GABRG3: variants seen among roughly 807,000 people sequenced by gnomAD.
The protein encoded by GABRG3 is gamma-aminobutyric acid type A receptor subunit gamma3.
GABRG3 carries 25 observed loss-of-function variants against 48.8 expected under a neutral mutation model. The observed-to-expected ratio is 0.51, with a 90% CI of 0.37 to 0.72. The LOEUF is 0.72. Among genes scored for constraint, GABRG3 ranks in the 30% least tolerant of loss-of-function variants. GABRG3 has a pLI of 0.00. For missense variants in GABRG3, 394 were observed against 577.9 expected, an observed-to-expected ratio of 0.68 and a Z score of 3.26; for synonymous variants, 227 against 217.6, an observed-to-expected ratio of 1.04 and a Z score of -0.38.
intron 3 of GABRG3, among the ~76,000 whole-genome samples, chr15:27,264,496 T>C (rs1890859328): frequency 6.6e-6 from 1 of 152,034 alleles, no homozygotes; most frequent in South Asian, 2.1e-4. Context: ...GTCTACTTTC[T>C]TTTCTCTTAA....
At chr15:27,281,807 A>C (rs1340470261) in intron 3 of GABRG3, among the ~76,000 whole-genome samples, 1 of 152,024 alleles carries the variant, frequency 6.6e-6, no homozygotes, top group Non-Finnish European at 1.5e-5. Flanking sequence ...AGGAAATAAT[A>C]ATCTATTATA....
chr15:27,279,215 G>A (rs1167098564), intron 3 of GABRG3, among the ~76,000 whole-genome samples: 3 of 152,168 alleles, frequency 2.0e-5, no homozygotes, highest in Admixed American at 2.0e-4. Context: ...TTTGTAGACT[G>A]TCTTTTCTTC....
intron 3 of GABRG3, among the ~76,000 whole-genome samples, chr15:27,201,349 GGTGCGT>G (rs1483046415): frequency 6.9e-6 from 1 of 145,316 alleles, no homozygotes; most frequent in African/African-American, 2.7e-5. Context: ...GGGAGTGAGG[GGTGCGT>G]GTGTGTGTGT....
chr15:27,134,364 A>G lies in GABRG3; in HGVS notation c.270+107543A>G, dbSNP rs1595543651. On this transcript the variant is annotated intron_variant, in intron 3 of 9. Coordinates refer to ENST00000615808, the MANE Select transcript of GABRG3 (RefSeq NM_033223.5). ...GCCACTCCTTGTCCTCACCATATTA[A>G]AAGAACCTCCCCCATCTCCAATTTT... Among the ~76,000 whole-genome samples, 8 of 152,210 alleles carry G rather than the reference A, an allele frequency of 5.3e-5. No homozygotes were observed. In the South Asian group the frequency reaches 1.7e-3, roughly 32 times the overall value.
chr15:27,022,127 T>C (rs1045548335), intron 2 of GABRG3, among the ~76,000 whole-genome samples: 2 of 152,170 alleles, frequency 1.3e-5, no homozygotes, highest in Non-Finnish European at 2.9e-5. Context: ...TCTCTGTCTT[T>C]TTTTCTACCC....
intron 3 of GABRG3, among the ~76,000 whole-genome samples, chr15:27,255,103 C>T (rs1158994920): frequency 6.6e-6 from 1 of 152,218 alleles, no homozygotes; most frequent in Non-Finnish European, 1.5e-5. Flanking sequence ...TTCCTGCTCC[C>T]AGGGCTGCCT....
intron 3 of GABRG3, among the ~76,000 whole-genome samples, chr15:27,119,056 C>G (rs1897688980): frequency 6.6e-6 from 1 of 152,198 alleles, no homozygotes; most frequent in African/African-American, 2.4e-5. Context: ...TCATAAGAAC[C>G]TCATCCCAGC....
At chr15:27,223,735 C>A (rs1889523851) in intron 3 of GABRG3, among the ~76,000 whole-genome samples, 1 of 152,120 alleles carries the variant, frequency 6.6e-6, no homozygotes, top group African/African-American at 2.4e-5. Context: ...ACACTTCACA[C>A]TCACTGTGCT....
intron 3 of GABRG3, among the ~76,000 whole-genome samples, chr15:27,057,640 C>A (rs770711949): frequency 6.6e-6 from 1 of 152,072 alleles, no homozygotes; most frequent in African/African-American, 2.4e-5. Flanking sequence ...GCCAGGTCAC[C>A]CTCGGGGCTC....
intron 3 of GABRG3, among the ~76,000 whole-genome samples, chr15:27,132,747 T>C (rs1436914292): frequency 1.3e-5 from 2 of 151,640 alleles, no homozygotes; most frequent in African/African-American, 2.4e-5. Flanking sequence ...TTGATTTTTT[T>C]CAAAGAATCA....
rs1420672980 is a variant in GABRG3 at position 27,102,806 on chromosome 15, A to G, written c.270+75985A>G. ...ATGTGTGGTTGTTAATATCTTATTT[A>G]CCGACATAAGTATATAATTTGTATG... is the stretch of plus-strand genomic sequence containing the variant. On this transcript the variant is annotated intron_variant, in intron 3 of 9. Transcript: ENST00000615808. 3.9e-5 allele frequency among the ~76,000 whole-genome samples: 6 copies of G among 152,332 alleles called. No individual in the cohort carries two copies. The East Asian group carries it at 1.2e-3, about 29-fold the overall frequency.
intron 3 of GABRG3, among the ~76,000 whole-genome samples, chr15:27,131,668 A>G (rs1330753725): frequency 6.6e-6 from 1 of 152,056 alleles, no homozygotes; most frequent in Admixed American, 6.6e-5. Context: ...TAATTGTTAT[A>G]CATACTTACA....
rs759971914 is a variant in GABRG3 at position 27,532,639 on chromosome 15, A to G, written c.1162A>G (p.Met388Val). Residue 388 changes from methionine to valine, a missense_variant, in exon 10 of 10, where the codon ATG (methionine) becomes GTG (valine). By Grantham distance (21) the Met-to-Val change is conservative. This residue lies in a region of GABRG3 where 126 missense variants were observed against 155.5 expected (regional missense o/e 0.81). Coordinates refer to ENST00000615808, the MANE Select transcript of GABRG3 (RefSeq NM_033223.5). ...GGACATGAGGCCACCACCAACTGCG[A>G]TGATCACTTTAAACAATTCCGTTTA... The part of the protein sequence containing the change: ...LLDMRPPPTA[M>V]ITLNNSVYWQ... 82 of 1,613,884 alleles carry G rather than the reference A, an allele frequency of 5.1e-5. No homozygotes were observed. Among genetic ancestry groups the G allele is most frequent in the Non-Finnish European group, 6.7e-5 (79 of 1,179,902 alleles).
intron 5 of GABRG3, among the ~76,000 whole-genome samples, chr15:27,392,657 G>A (rs1280516309): frequency 6.6e-6 from 1 of 152,126 alleles, no homozygotes; most frequent in East Asian, 1.9e-4. Flanking sequence ...AAGGACTAGG[G>A]CATTATTCTA....
intron 3 of GABRG3, among the ~76,000 whole-genome samples, chr15:27,029,475 ACT>A (rs1896043263): frequency 6.6e-6 from 1 of 151,684 alleles, no homozygotes; most frequent in African/African-American, 2.4e-5. Context: ...ACATGCACAC[ACT>A]CGTGCACACA....
At chr15:27,099,954 C>T (rs954786232) in intron 3 of GABRG3, among the ~76,000 whole-genome samples, 7 of 152,096 alleles carry the variant, frequency 4.6e-5, no homozygotes, top group African/African-American at 7.2e-5. Flanking sequence ...CGGTGGCTCA[C>T]GTCTGTAATC....
chr15:27,518,059 TG>T (rs1344241501), intron 6 of GABRG3, among the ~76,000 whole-genome samples: 1 of 151,926 alleles, frequency 6.6e-6, no homozygotes, highest in Non-Finnish European at 1.5e-5. Context: ...TAAGTAAAAA[TG>T]GGACTTTGGG....
chr15:27,306,178 C>A lies in GABRG3; in HGVS notation c.271-20631C>A, dbSNP rs1004776200. The stretch of plus-strand genomic sequence containing the variant: ...ATAAACCTATATGTTTATATATAAA[C>A]ATATAATATAAACATATTTATAATA... On this transcript the variant is annotated intron_variant, in intron 3 of 9. Coordinates refer to ENST00000615808, the MANE Select transcript of GABRG3 (RefSeq NM_033223.5). Among the ~76,000 whole-genome samples, 37 of 128,892 alleles carry A rather than the reference C, an allele frequency of 2.9e-4. 2 individuals are homozygous for A. The highest frequency in any genetic ancestry group is 1.0e-3 in the African/African-American group (35 of 34,652). The allele number at this position is 128,892 out of a possible 152,430, so 84.6% of individuals were successfully genotyped here.
At chr15:27,246,933 A>C (rs1890288915) in intron 3 of GABRG3, among the ~76,000 whole-genome samples, 1 of 152,194 alleles carries the variant, frequency 6.6e-6, no homozygotes, top group Non-Finnish European at 1.5e-5. Flanking sequence ...ATGTGTGTTC[A>C]TATTTGAATA....
Sources: gnomAD v4.1 joint callset for allele counts (sites outside exome capture counted in the v4.1 genomes callset) on GRCh38, gnomAD v4.1.1 for gene constraint, gnomAD v4.1.1 regional missense constraint, MANE v1.5 for transcripts, NCBI Gene and HGNC (gene_info 2026-07-23, HGNC 2026-07-21) for gene names.